HIKESHI: variants seen among roughly 807,000 people sequenced by gnomAD.
HIKESHI encodes the protein heat shock protein nuclear import factor hikeshi.
Under a neutral mutation model 25.7 loss-of-function variants are expected in HIKESHI, and 13 were observed. The ratio of observed to expected loss-of-function variants is 0.51; its 90% CI spans 0.33 to 0.80. HIKESHI has a LOEUF of 0.80. Ranked by LOEUF, HIKESHI falls within the 30% of genes least tolerant of loss-of-function variation. HIKESHI has a pLI of 0.02. For synonymous variants in HIKESHI, 76 were observed against 78.7 expected, an observed-to-expected ratio of 0.97 and a Z score of 0.18; for missense variants, 174 against 229.5, an observed-to-expected ratio of 0.76 and a Z score of 1.56.
intron 2 of HIKESHI, among the ~76,000 whole-genome samples, chr11:86,319,086 A>AT (rs947130367): frequency 7.3e-5 from 11 of 151,398 alleles, no homozygotes; most frequent in African/African-American, 2.7e-4. Flanking sequence ...TGGCTAACTT[A>AT]TTTTTTGTAG....
At chr11:86,339,435 G>C (rs139376116) in intron 3 of HIKESHI, among the ~76,000 whole-genome samples, 4 of 152,216 alleles carry the variant, frequency 2.6e-5, no homozygotes, top group African/African-American at 9.6e-5. Context: ...CTTTATGGTG[G>C]GGTATACATT....
At chr11:86,306,760 A>G (rs1246592456) in intron 2 of HIKESHI, among the ~76,000 whole-genome samples, 1 of 151,622 alleles carries the variant, frequency 6.6e-6, no homozygotes, top group Non-Finnish European at 1.5e-5. Flanking sequence ...GCACTTTGGG[A>G]GGCCCTGGCG....
chr11:86,303,431 CT>C, intron 1 of HIKESHI: 1 of 982,646 alleles, frequency 1.0e-6, no homozygotes. Flanking sequence ...TGGGAGACCC[CT>C]GTGGTGATGG....
intron 2 of HIKESHI, among the ~76,000 whole-genome samples, chr11:86,311,299 G>A (rs1405466237): frequency 1.3e-5 from 2 of 152,176 alleles, no homozygotes; most frequent in South Asian, 4.1e-4. Flanking sequence ...GAGGGTGTAT[G>A]TGTCAAGGAA....
intron 2 of HIKESHI, 69 bp from the exon 3 acceptor site, chr11:86,337,310 A>C: frequency 6.9e-7 from 1 of 1,451,074 alleles, no homozygotes; most frequent in African/African-American, 1.4e-5. Context: ...GTTCTTTATA[A>C]ATTTACAAAG....
At chr11:86,313,542 C>G (rs950015632) in intron 2 of HIKESHI, among the ~76,000 whole-genome samples, 5 of 152,164 alleles carry the variant, frequency 3.3e-5, no homozygotes, top group African/African-American at 1.2e-4. Flanking sequence ...AAGATATATT[C>G]TCCTACAAAC....
At chr11:86,339,808 C>T (rs1947672322) in intron 3 of HIKESHI, among the ~76,000 whole-genome samples, 1 of 152,092 alleles carries the variant, frequency 6.6e-6, no homozygotes, top group African/African-American at 2.4e-5. Flanking sequence ...AGGTTTGTTA[C>T]ATATGTATAT....
intron 2 of HIKESHI, among the ~76,000 whole-genome samples, chr11:86,322,242 C>A (rs1947168322): frequency 6.6e-6 from 1 of 152,194 alleles, no homozygotes; most frequent in African/African-American, 2.4e-5. Context: ...CCACCTCAGC[C>A]TCCCAGAGTG....
intron 2 of HIKESHI, among the ~76,000 whole-genome samples, chr11:86,316,664 A>G (rs151115426): frequency 0.015 from 2,216 of 152,224 alleles, 32 homozygotes; most frequent in South Asian, 0.044. Flanking sequence ...ATGTAAACAG[A>G]TTAAACTTAC....
intron 2 of HIKESHI, among the ~76,000 whole-genome samples, chr11:86,325,987 G>A (rs1321152561): frequency 6.6e-6 from 1 of 152,068 alleles, no homozygotes; most frequent in Non-Finnish European, 1.5e-5. Flanking sequence ...AGTCTGTAAT[G>A]TGGAAGGGGC....
chr11:86,335,666 T>C (rs965182452), intron 2 of HIKESHI, among the ~76,000 whole-genome samples: 1 of 152,188 alleles, frequency 6.6e-6, no homozygotes, highest in African/African-American at 2.4e-5. Flanking sequence ...GGAAATTTCT[T>C]TCTAATCACT....
At chr11:86,308,230 T>A (rs371435538) in intron 2 of HIKESHI, among the ~76,000 whole-genome samples, 1,923 of 112,464 alleles carry the variant, frequency 0.017, 23 homozygotes, top group Middle Eastern at 0.023. Context: ...ACATATAAAA[T>A]ATATATTATA....
chr11:86,307,392 G>T (rs1490614661), intron 2 of HIKESHI, among the ~76,000 whole-genome samples: 3 of 117,668 alleles, frequency 2.5e-5, no homozygotes, highest in Non-Finnish European at 4.9e-5. Context: ...AATATATTAT[G>T]TGTAATATAC....
intron 2 of HIKESHI, among the ~76,000 whole-genome samples, chr11:86,308,337 A>G (rs1291779572): frequency 3.1e-5 from 2 of 64,844 alleles, no homozygotes; most frequent in African/African-American, 6.9e-5. Flanking sequence ...CATATAAAAT[A>G]TATATTATAT....
At position 86,321,575 on chromosome 11, in the gene HIKESHI, G is replaced by A. The variant is rs184947916; in HGVS notation, c.268+15093G>A. On this transcript the variant is annotated intron_variant, in intron 2 of 4. Transcript: ENST00000278483. ...GACCACGTGTCACTCTGTTGCCCAG[G>A]CAGGAGTGCAGTGGCATGATCTCGA... 4.5e-3 allele frequency among the ~76,000 whole-genome samples: 681 copies of A among 152,132 alleles called. 1 individual carries two copies. Among genetic ancestry groups the A allele is most frequent in the Non-Finnish European group, 6.7e-3 (456 of 68,004 alleles).
Position 86,302,347 on chromosome 11 carries a change from C to T in HIKESHI, c.-102C>T. ...ATGTAGTGGAGGGGCAGACACCCTCCCGCAAATTCTGGAAGGTTCTTAGTC... is the reference window on the plus strand; with the variant it reads ...ATGTAGTGGAGGGGCAGACACCCTCTCGCAAATTCTGGAAGGTTCTTAGTC... On this transcript the variant is annotated 5_prime_UTR_variant, in exon 1 of 5. Transcript: ENST00000278483. The T allele has an allele frequency of 1.4e-6, 2 of 1,458,936 alleles. No homozygotes were observed. The highest frequency in any genetic ancestry group is 2.0e-5 in the Admixed American group (1 of 50,696). The allele number at this position is 1,458,936 out of a possible 1,614,324, so 90.4% of individuals were successfully genotyped here. A position where few individuals can be genotyped will look rare whatever the true frequency, so the allele number is the denominator to read the frequency against.
At chr11:86,314,155 A>T (rs1167450077) in intron 2 of HIKESHI, among the ~76,000 whole-genome samples, 2 of 152,330 alleles carry the variant, frequency 1.3e-5, no homozygotes, top group Non-Finnish European at 2.9e-5. Flanking sequence ...CCCTCCCCCA[A>T]AACAACTGCT....
intron 2 of HIKESHI, among the ~76,000 whole-genome samples, chr11:86,319,242 AT>A (rs1218981419): frequency 0.034 from 3,213 of 94,902 alleles, 123 homozygotes; most frequent in African/African-American, 0.098. Context: ...ATATATATAT[AT>A]TTTTTTTTTT....
At chr11:86,326,774 A>C in intron 2 of HIKESHI, 1 of 294,808 alleles carries the variant, frequency 3.4e-6, no homozygotes, top group South Asian at 3.0e-5. Context: ...TTCAAGTGAC[A>C]GTGAGGAGGA....
Sources: gnomAD v4.1 joint callset for allele counts (sites outside exome capture counted in the v4.1 genomes callset) on GRCh38, gnomAD v4.1.1 for gene constraint, MANE v1.5 for transcripts, NCBI Gene and HGNC (gene_info 2026-07-23, HGNC 2026-07-21) for gene names.